The following FILIP1L variants were observed in gnomAD, a reference collection of about 807,000 sequenced individuals.
FILIP1L encodes the protein filamin A-interacting protein 1-like.
A neutral mutation model predicts 96.6 loss-of-function variants in FILIP1L; 55 were observed. That is an observed-to-expected ratio of 0.57 (90% CI 0.46 to 0.71). The LOEUF (loss-of-function observed/expected upper bound fraction) is 0.71, where lower values mean the gene tolerates loss of function less well. Among genes scored for constraint, FILIP1L ranks in the 30% least tolerant of loss-of-function variants. The pLI is 0.00. For missense variants in FILIP1L, 1,304 were observed against 1,321.2 expected (o/e 0.99, Z 0.20); for synonymous variants, 467 against 473.9 (o/e 0.99, Z 0.19).
chr3:99,904,644 G>A (rs757519367), intron 4 of FILIP1L, among the ~76,000 whole-genome samples: 1 of 151,080 alleles, frequency 6.6e-6, no homozygotes, highest in Non-Finnish European at 1.5e-5. Flanking sequence ...TTTTCTTTAT[G>A]GCTGCTTATT....
intron 1 of FILIP1L, among the ~76,000 whole-genome samples, chr3:99,951,079 A>G (rs1708163141): frequency 6.6e-6 from 1 of 152,136 alleles, no homozygotes; most frequent in Non-Finnish European, 1.5e-5. Flanking sequence ...GCCTTGAGTT[A>G]AGTCACTTAC....
intron 1 of FILIP1L, among the ~76,000 whole-genome samples, chr3:100,075,224 G>A (rs748958783): frequency 7.9e-5 from 12 of 152,198 alleles, no homozygotes; most frequent in Non-Finnish European, 1.5e-4. Flanking sequence ...GCTAAAAGAA[G>A]ATATATCAAT....
At chr3:100,084,339 T>G (rs1009457168) in intron 1 of FILIP1L, among the ~76,000 whole-genome samples, 1 of 152,194 alleles carries the variant, frequency 6.6e-6, no homozygotes, top group Admixed American at 6.5e-5. Context: ...CATAAAAATA[T>G]GCAAATATTT....
intron 1 of FILIP1L, among the ~76,000 whole-genome samples, chr3:99,941,190 C>CT (rs538689346): frequency 9.9e-4 from 147 of 148,284 alleles, no homozygotes; most frequent in African/African-American, 2.9e-3. Flanking sequence ...TTCCTTACGT[C>CT]TTTTTTTTTT....
At chr3:99,876,303 C>G in intron 4 of FILIP1L, 1 of 653,636 alleles carries the variant, frequency 1.5e-6, no homozygotes. Context: ...GGCGGCGGCG[C>G]AGCCACACAC....
At chr3:100,062,349 G>T (rs910105078) in intron 1 of FILIP1L, among the ~76,000 whole-genome samples, 1 of 151,820 alleles carries the variant, frequency 6.6e-6, no homozygotes, top group African/African-American at 2.4e-5. Context: ...CTGACCTCGC[G>T]ATCCACCCGT....
chr3:100,069,836 A>C lies in FILIP1L; in HGVS notation c.-11+44217T>G, dbSNP rs557903691. On this transcript the variant is annotated intron_variant, in intron 1 of 5. Coordinates refer to ENST00000477258, the MANE Select transcript of FILIP1L (RefSeq NM_001387850.1). ...CATAAGCAGAAATATTTGCCCTACG[A>C]GAGGGAGCTGATATCTACCCTGGAT... Among the ~76,000 whole-genome samples, 3 of 152,308 alleles carry C rather than the reference A, an allele frequency of 2.0e-5. No homozygotes were observed. The East Asian group carries it at 5.8e-4, about 29-fold the overall frequency.
intron 4 of FILIP1L, among the ~76,000 whole-genome samples, chr3:99,911,383 C>T (rs1255686260): frequency 6.6e-6 from 1 of 150,400 alleles, no homozygotes; most frequent in Admixed American, 6.6e-5. Flanking sequence ...AAGTTGTTTC[C>T]AAATTTGACT....
chr3:100,054,644 C>G (rs2065433105), intron 1 of FILIP1L, among the ~76,000 whole-genome samples: 1 of 151,990 alleles, frequency 6.6e-6, no homozygotes, highest in Non-Finnish European at 1.5e-5. Context: ...AGATGTGGCT[C>G]AAAGAAACCA....
chr3:99,867,353 C>A (rs1944571085), intron 4 of FILIP1L, among the ~76,000 whole-genome samples: 1 of 152,106 alleles, frequency 6.6e-6, no homozygotes, highest in Non-Finnish European at 1.5e-5. Context: ...TTTGCCCTGA[C>A]CATATCTTAC....
chr3:99,935,773 C>T (rs565137460), intron 1 of FILIP1L, among the ~76,000 whole-genome samples: 1 of 152,278 alleles, frequency 6.6e-6, no homozygotes, highest in Non-Finnish European at 1.5e-5. Context: ...GAAGTAGATC[C>T]TGCTTTGTTT....
chr3:99,937,978 A>C (rs949726632), intron 1 of FILIP1L, among the ~76,000 whole-genome samples: 1 of 152,232 alleles, frequency 6.6e-6, no homozygotes, highest in African/African-American at 2.4e-5. Flanking sequence ...GGAGACTCTC[A>C]TAAGAGATAG....
chr3:100,022,331 C>CA (rs1370396008), intron 1 of FILIP1L, among the ~76,000 whole-genome samples: 1 of 152,202 alleles, frequency 6.6e-6, no homozygotes, highest in Non-Finnish European at 1.5e-5. Context: ...TGTCCAATAT[C>CA]AGCCCTTGGG....
intron 1 of FILIP1L, among the ~76,000 whole-genome samples, chr3:100,014,978 A>G (rs1208650067): frequency 2.2e-5 from 3 of 139,390 alleles, no homozygotes; most frequent in African/African-American, 8.1e-5. Context: ...ACCAATATCA[A>G]GAAGCTTTTT....
chr3:99,986,618 AGAAGAAATT>A (rs1177375088), intron 1 of FILIP1L, among the ~76,000 whole-genome samples: 2 of 152,098 alleles, frequency 1.3e-5, no homozygotes, highest in African/African-American at 4.8e-5. Flanking sequence ...GCACATGGAG[AGAAGAAATT>A]GAAGAAATTG....
intron 4 of FILIP1L, among the ~76,000 whole-genome samples, chr3:99,851,668 C>A (rs1367370415): frequency 2.0e-5 from 3 of 152,162 alleles, no homozygotes; most frequent in African/African-American, 7.2e-5. Flanking sequence ...AAATGGCTTG[C>A]TTGAACCAAA....
chr3:100,017,743 A>G (rs1710386238), intron 1 of FILIP1L, among the ~76,000 whole-genome samples: 1 of 151,776 alleles, frequency 6.6e-6, no homozygotes. Context: ...GAGGCAACAA[A>G]GTGAGACACT....
intron 1 of FILIP1L, among the ~76,000 whole-genome samples, chr3:99,954,032 G>T (rs550546987): frequency 6.6e-6 from 1 of 152,352 alleles, no homozygotes; most frequent in South Asian, 2.1e-4. Context: ...TTACCTTGTT[G>T]TACATGTGAC....
At chr3:100,001,813 A>G (rs561110163) in intron 1 of FILIP1L, among the ~76,000 whole-genome samples, 1 of 152,328 alleles carries the variant, frequency 6.6e-6, no homozygotes, top group East Asian at 1.9e-4. Context: ...TGGCTGAATA[A>G]TTAAAGGGAT....
Sources: gnomAD v4.1 joint callset for allele counts (sites outside exome capture counted in the v4.1 genomes callset) on GRCh38, gnomAD v4.1.1 for gene constraint, MANE v1.5 for transcripts, NCBI Gene and HGNC (gene_info 2026-07-23, HGNC 2026-07-21) for gene names.